MTOR: variants seen among roughly 807,000 people sequenced by gnomAD.
MTOR encodes the protein serine/threonine-protein kinase mTOR.
Under a neutral mutation model 319.8 loss-of-function variants are expected in MTOR, and 70 were observed. The ratio of observed to expected loss-of-function variants is 0.22; its 90% CI spans 0.18 to 0.27. MTOR has a LOEUF of 0.27. Ranked by LOEUF, MTOR falls within the 10% of genes least tolerant of loss-of-function variation. The pLI, the probability that MTOR is intolerant of heterozygous loss-of-function variation, is 1.00. For synonymous variants in MTOR, 1,183 were observed against 1,211.4 expected (o/e 0.98, Z 0.49); for missense variants, 1,890 against 3,274.4 (o/e 0.58, Z 10.32).
intron 19 of MTOR, among the ~76,000 whole-genome samples, chr1:11,225,174 G>A (rs934419780): frequency 4.7e-4 from 72 of 151,872 alleles, no homozygotes; most frequent in African/African-American, 1.5e-3. Context: ...TGAATTTTAC[G>A]GTATGTAAAT....
intron 29 of MTOR, among the ~76,000 whole-genome samples, chr1:11,165,830 C>T (rs1251088872): frequency 6.6e-6 from 1 of 152,160 alleles, no homozygotes; most frequent in Non-Finnish European, 1.5e-5. Context: ...CATCACGCTA[C>T]CTGACTTCAA....
chr1:11,137,135 C>A (rs1235271189), intron 36 of MTOR, among the ~76,000 whole-genome samples: 1 of 131,158 alleles, frequency 7.6e-6, no homozygotes, highest in Admixed American at 9.3e-5. Context: ...AGCCACCACA[C>A]CTGGCTTAAA....
At chr1:11,228,568 G>C (rs2100852901) in intron 19 of MTOR, 100 bp downstream of exon 19, 1 of 1,487,078 alleles carries the variant, frequency 6.7e-7, no homozygotes, top group Non-Finnish European at 9.2e-7. Flanking sequence ...ATTGGGCTCA[G>C]GGGCACAGAG....
chr1:11,139,368 A>T lies in MTOR; in HGVS notation c.5066T>A (p.Leu1689Gln). 1 of 1,613,712 alleles carries T rather than the reference A, an allele frequency of 6.2e-7. No homozygotes were observed. The highest frequency in any genetic ancestry group is 8.5e-7 in the Non-Finnish European group (1 of 1,179,908). Residue 1689 changes from leucine to glutamine, a missense_variant, in exon 36 of 58, where the codon CTG (leucine) becomes CAG (glutamine). By Grantham distance (113) the Leu-to-Gln change is moderately radical. Transcript: ENST00000361445. ...VDPSRQLDHP[L>Q]PTVHPQVTYA... ...GGTCACCTGAGGGTGAACTGTTGGCAGAGGATGGTCAAGTTGCCGAGACGG... is the reference window on the plus strand; with the variant it reads ...GGTCACCTGAGGGTGAACTGTTGGCTGAGGATGGTCAAGTTGCCGAGACGG...
intron 29 of MTOR, among the ~76,000 whole-genome samples, chr1:11,165,378 T>A (rs1200770405): frequency 6.6e-6 from 1 of 152,204 alleles, no homozygotes; most frequent in Admixed American, 6.5e-5. Context: ...CTTAAGCTGA[T>A]AAGCAACTTC....
At chr1:11,185,853 G>A (rs187746785) in intron 28 of MTOR, among the ~76,000 whole-genome samples, 32 of 152,120 alleles carry the variant, frequency 2.1e-4, no homozygotes, top group Middle Eastern at 3.4e-3. Context: ...AGGCCGAGGC[G>A]GGTGGATCAA....
In MTOR at chr1:11,155,269, T is replaced by C. The variant is rs547151910; in HGVS notation, c.4469+1883A>G. ...CAGGTGCTGATATGGAACAGTGGCC[T>C]AGACTTGTTAAGTGAAAACAGCAGA... On this transcript the variant is annotated intron_variant, in intron 30 of 57. Coordinates refer to ENST00000361445, the MANE Select transcript of MTOR (RefSeq NM_004958.4). Among the ~76,000 whole-genome samples, 3 of 152,296 alleles carry C rather than the reference T, an allele frequency of 2.0e-5. No homozygotes were observed. The South Asian group carries it at 6.2e-4, about 32-fold the overall frequency.
intron 5 of MTOR, 70 bp from the exon 6 acceptor site, chr1:11,254,043 A>G (rs1442709235): frequency 6.3e-7 from 1 of 1,596,808 alleles, no homozygotes; most frequent in East Asian, 2.2e-5. Context: ...GGCCCATCCC[A>G]TCTACACTGG....
chr1:11,150,224 C>T lies in MTOR; in HGVS notation c.4472G>A (p.Gly1491Asp), dbSNP rs1644092578. The T allele has an allele frequency of 7.4e-6, 12 of 1,613,040 alleles. No homozygotes were observed. The highest frequency in any genetic ancestry group is 1.3e-5 in the African/African-American group (1 of 75,018). The change falls in exon 31 of 58, where the codon GGT becomes GAT. Residue 1491 changes from glycine to aspartate, a missense_variant and splice_region_variant. Physicochemically the swap from Gly to Asp is moderately conservative, Grantham distance 94 (BLOSUM62 -1). Transcript: ENST00000361445. Reference protein sequence around the residue: ...MRCLEALGEWGQLHQQCCEKW... With the variant: ...MRCLEALGEWDQLHQQCCEKW... ...TTCACAGCACTGCTGGTGGAGTTGA[C>T]CCCTGAAGAAAATGAATTATATAGT...
intron 34 of MTOR, 40 bp from the exon 35 acceptor site, chr1:11,139,698 T>C (rs545044184): frequency 1.2e-6 from 2 of 1,612,404 alleles, no homozygotes; most frequent in Non-Finnish European, 1.7e-6. Context: ...TGTCTTCTGA[T>C]ACATTGTTTT....
intron 28 of MTOR, among the ~76,000 whole-genome samples, chr1:11,178,671 A>C (rs1315290220): frequency 6.6e-6 from 1 of 152,180 alleles, no homozygotes; most frequent in East Asian, 1.9e-4. Context: ...AAGAGCTCTG[A>C]GAGAGACTAC....
In MTOR at chr1:11,146,749, C is replaced by T. The variant is rs760642166; in HGVS notation, c.4613G>A (p.Arg1538Gln). The T allele has an allele frequency of 5.0e-6, 8 of 1,613,992 alleles. No homozygotes were observed. The highest frequency in any genetic ancestry group is 1.3e-5 in the African/African-American group (1 of 74,914). ...SMEEYTCMIP[R>Q]DTHDGAFYRA... The stretch of plus-strand genomic sequence containing the variant: ...ATAAAATGCCCCATCATGGGTGTCC[C>T]GAGGGATCATACAGGTGTATTCTTC... Residue 1538 changes from arginine (R) to glutamine (Q), a missense_variant, in exon 32 of 58, where the codon CGG (arginine) becomes CAG (glutamine). By Grantham distance (43) the Arg-to-Gln change is conservative. Transcript: ENST00000361445.
chr1:11,204,212 C>T (rs1377603784), intron 26 of MTOR, among the ~76,000 whole-genome samples: 4 of 152,158 alleles, frequency 2.6e-5, no homozygotes, highest in Non-Finnish European at 4.4e-5. Flanking sequence ...TTGTTTCAGA[C>T]CTTTTTTTTC....
intron 34 of MTOR, among the ~76,000 whole-genome samples, chr1:11,142,474 T>C (rs1034844542): frequency 6.6e-6 from 1 of 151,614 alleles, no homozygotes; most frequent in African/African-American, 2.4e-5. Context: ...TTTTTTTCTT[T>C]TAGCAGAGAG....
At chr1:11,232,593 G>T in intron 15 of MTOR, 65 bp from the exon 16 acceptor site, 2 of 1,400,906 alleles carry the variant, frequency 1.4e-6, no homozygotes, top group Non-Finnish European at 2.0e-6. Context: ...GTATTTTGGA[G>T]GCCGGGCACG....
chr1:11,120,724 A>T (rs891269967), intron 49 of MTOR, among the ~76,000 whole-genome samples: 5 of 152,172 alleles, frequency 3.3e-5, no homozygotes, highest in African/African-American at 1.2e-4. Flanking sequence ...ATTTCAAATC[A>T]TCTTGGGTAC....
intron 26 of MTOR, among the ~76,000 whole-genome samples, chr1:11,200,657 T>C (rs1362974431): frequency 6.6e-6 from 1 of 152,172 alleles, no homozygotes; most frequent in East Asian, 1.9e-4. Flanking sequence ...ATTTTGGAAT[T>C]TGATAGAAAA....
Position 11,233,431 on chromosome 1 carries a change from A to G in MTOR, c.2388T>C (p.Asn796=). The change falls in exon 15 of 58, where the codon AAT becomes AAC. Residue 796 remains asparagine, a synonymous_variant. Transcript: ENST00000361445. ...PDPDPNPGVI[N]NVLATIGELA... ...ATTCTCCTATTGTTGCCAGGACATT[A>G]TTGATCACACCTGGGTTTGGATCAG... The G allele has an allele frequency of 6.2e-7, 1 of 1,614,112 alleles. No homozygotes were observed. Among genetic ancestry groups the G allele is most frequent in the Non-Finnish European group, 8.5e-7 (1 of 1,180,014 alleles).
intron 28 of MTOR, among the ~76,000 whole-genome samples, chr1:11,198,945 G>C (rs564000886): frequency 6.6e-6 from 1 of 152,262 alleles, no homozygotes; most frequent in East Asian, 1.9e-4. Context: ...ATCTAACCCA[G>C]ACATAAAACC....
Sources: allele counts gnomAD v4.1 joint callset (sites outside exome capture counted in the v4.1 genomes callset), GRCh38; gene constraint gnomAD v4.1.1; transcripts MANE v1.5; gene names NCBI Gene and HGNC (gene_info 2026-07-23, HGNC 2026-07-21).